The following SND1 variants were observed in gnomAD, a reference collection of about 807,000 sequenced individuals.
The protein encoded by SND1 is staphylococcal nuclease and tudor domain containing 1.
Under a neutral mutation model 121.7 loss-of-function variants are expected in SND1, and 38 were observed. That is an observed-to-expected ratio of 0.31 (90% CI 0.24 to 0.41). The LOEUF (loss-of-function observed/expected upper bound fraction) is 0.41. Among genes scored for constraint, SND1 ranks in the 10% least tolerant of loss-of-function variants. The pLI, the probability that SND1 is intolerant of heterozygous loss-of-function variation, is 1.00. For missense variants in SND1, 868 were observed against 1,184.6 expected, an observed-to-expected ratio of 0.73 and a Z score of 3.92; for synonymous variants, 401 against 447.4, an observed-to-expected ratio of 0.90 and a Z score of 1.31.
chr7:127,893,021 G>A (rs1425432980), intron 13 of SND1, among the ~76,000 whole-genome samples: 2 of 152,062 alleles, frequency 1.3e-5, no homozygotes, highest in African/African-American at 2.4e-5. Flanking sequence ...CATATGCCTA[G>A]TCTTGGCGAG....
chr7:128,067,027 G>T (rs1040779108), intron 16 of SND1, among the ~76,000 whole-genome samples: 1 of 152,156 alleles, frequency 6.6e-6, no homozygotes, highest in African/African-American at 2.4e-5. Flanking sequence ...GTTAGCAAAT[G>T]GGGCTTCCCT....
intron 9 of SND1, among the ~76,000 whole-genome samples, chr7:127,711,771 A>G (rs1348882336): frequency 1.3e-5 from 2 of 151,078 alleles, no homozygotes; most frequent in Admixed American, 6.6e-5. Context: ...CTCATCTTCT[A>G]TTCTTTTTAG....
At chr7:127,812,677 T>G (rs748789407) in intron 11 of SND1, among the ~76,000 whole-genome samples, 1 of 152,198 alleles carries the variant, frequency 6.6e-6, no homozygotes, top group South Asian at 2.1e-4. Context: ...GGAGTAACAT[T>G]GCTTAGCAGG....
rs774095958 is a variant in SND1, at chr7:128,029,351, T to A, written c.1779+38295T>A. 14 of 1,614,146 alleles carry A rather than the reference T, an allele frequency of 8.7e-6. No homozygotes were observed. The South Asian group carries it at 1.2e-4, about 14-fold the overall frequency. ...GGTAGGCCGAGGCGTTGGAGTTGCC[T>A]GCAACATTGGTCACCATGCATGTGT... On this transcript the variant is annotated intron_variant, in intron 16 of 23. Transcript: ENST00000354725. The surrounding 1 kb of genome is among the most constrained non-coding windows in gnomAD (Gnocchi z 4.2).
rs551487226 is a variant in SND1 at position 128,020,910 on chromosome 7, A to C, written c.1779+29854A>C. On this transcript the variant is annotated intron_variant, in intron 16 of 23. Transcript: ENST00000354725. ...TTGCCGTCTCTCCCCCTCATGAGAG[A>C]AACAAAATGAAATGCAAACATGCTT... 7.2e-5 allele frequency among the ~76,000 whole-genome samples: 11 copies of C among 152,338 alleles called. No individual in the cohort carries two copies. In the East Asian group the frequency reaches 2.1e-3, roughly 29 times the overall value.
intron 11 of SND1, among the ~76,000 whole-genome samples, chr7:127,811,099 G>A (rs939095723): frequency 3.9e-5 from 6 of 152,096 alleles, no homozygotes; most frequent in Non-Finnish European, 8.8e-5. Context: ...GCAAATATTG[G>A]GGATGAGCCT....
intron 13 of SND1, among the ~76,000 whole-genome samples, chr7:127,900,287 T>C (rs950037749): frequency 6.6e-6 from 1 of 152,176 alleles, no homozygotes; most frequent in Non-Finnish European, 1.5e-5. Flanking sequence ...CTTTGTAAGC[T>C]CACAAAAATA....
chr7:127,655,990 C>T (rs996038836), intron 1 of SND1, among the ~76,000 whole-genome samples: 3 of 152,132 alleles, frequency 2.0e-5, no homozygotes, highest in African/African-American at 7.2e-5. Flanking sequence ...GTGCCAAATC[C>T]CAGTTCCCAT....
At chr7:128,086,159 A>C (rs1323551694) in intron 20 of SND1, among the ~76,000 whole-genome samples, 2 of 152,212 alleles carry the variant, frequency 1.3e-5, no homozygotes, top group African/African-American at 4.8e-5. Context: ...AATCCCCGGC[A>C]CATCCCCAAA....
At chr7:128,027,663 CA>C (rs1054486447) in intron 16 of SND1, 2 of 152,162 alleles carry the variant, frequency 1.3e-5, no homozygotes, top group African/African-American at 4.8e-5. Context: ...CACCTTAAAA[CA>C]AACAAAATCT....
At chr7:127,814,984 T>C (rs964960958) in intron 11 of SND1, among the ~76,000 whole-genome samples, 2 of 152,244 alleles carry the variant, frequency 1.3e-5, no homozygotes, top group Non-Finnish European at 2.9e-5. Flanking sequence ...ATCTGAGTGA[T>C]ACTTTTTGCT....
chr7:127,715,305 C>A (rs1410398178), intron 9 of SND1, among the ~76,000 whole-genome samples: 1 of 152,026 alleles, frequency 6.6e-6, no homozygotes, highest in Non-Finnish European at 1.5e-5. Flanking sequence ...AATGTCTATT[C>A]AAGTCCTTTG....
chr7:127,765,944 A>G (rs1190761128), intron 10 of SND1, among the ~76,000 whole-genome samples: 1 of 152,250 alleles, frequency 6.6e-6, no homozygotes, highest in African/African-American at 2.4e-5. Flanking sequence ...TTAGAAAACC[A>G]AAATTCATTT....
intron 11 of SND1, among the ~76,000 whole-genome samples, chr7:127,832,655 A>G (rs908641916): frequency 6.6e-6 from 1 of 152,186 alleles, no homozygotes; most frequent in African/African-American, 2.4e-5. Flanking sequence ...ACTGCCTCTG[A>G]GAAATGGTAA....
At chr7:127,697,743 A>G (rs1796030914) in intron 3 of SND1, among the ~76,000 whole-genome samples, 1 of 152,174 alleles carries the variant, frequency 6.6e-6, no homozygotes, top group South Asian at 2.1e-4. Context: ...CCCTGCAGAA[A>G]TTTGGGCATG....
At chr7:127,878,191 C>T (rs1395619118) in intron 12 of SND1, among the ~76,000 whole-genome samples, 1 of 152,158 alleles carries the variant, frequency 6.6e-6, no homozygotes, top group Non-Finnish European at 1.5e-5. Flanking sequence ...CATTAATGCA[C>T]AGTCATTGTT....
intron 16 of SND1, among the ~76,000 whole-genome samples, chr7:128,000,841 TG>T (rs1802810235): frequency 6.6e-6 from 1 of 152,214 alleles, no homozygotes; most frequent in African/African-American, 2.4e-5. Context: ...CAAGGCTGCC[TG>T]AGCCACCAGC....
chr7:127,897,109 A>C (rs576671568), intron 13 of SND1, among the ~76,000 whole-genome samples: 34 of 152,178 alleles, frequency 2.2e-4, no homozygotes, highest in Non-Finnish European at 4.6e-4. Context: ...TTCCTTGTGC[A>C]TTTCTGTTTT....
At chr7:127,924,547 C>T (rs1329130388) in intron 14 of SND1, among the ~76,000 whole-genome samples, 1 of 152,108 alleles carries the variant, frequency 6.6e-6, no homozygotes, top group Non-Finnish European at 1.5e-5. Flanking sequence ...ACATCTAGTG[C>T]ACACCGACAT....
Sources: gnomAD v4.1 joint callset for allele counts (sites outside exome capture counted in the v4.1 genomes callset) on GRCh38, gnomAD v4.1.1 for gene constraint, Gnocchi (gnomAD v3.1) non-coding constraint, MANE v1.5 for transcripts, NCBI Gene and HGNC (gene_info 2026-07-23, HGNC 2026-07-21) for gene names.